The following ZNF804B variants were observed in gnomAD, a reference collection of about 807,000 sequenced individuals.
ZNF804B encodes the protein zinc finger protein 804B, also known as zinc finger 804B.
Under a neutral mutation model 101.4 loss-of-function variants are expected in ZNF804B, and 80 were observed. That is an observed-to-expected ratio of 0.79 (90% CI 0.66 to 0.95). The LOEUF is 0.95. Ranked by LOEUF, ZNF804B falls within the 40% of genes least tolerant of loss-of-function variation. The pLI is 0.00. For missense variants in ZNF804B, 1,673 were observed against 1,561.9 expected (o/e 1.07, Z -1.20); for synonymous variants, 622 against 558.8 (o/e 1.11, Z -1.59).
chr7:89,072,530 A>G (rs947756019), intron 1 of ZNF804B, among the ~76,000 whole-genome samples: 14 of 152,156 alleles, frequency 9.2e-5, no homozygotes, highest in African/African-American at 2.9e-4. Context: ...GCTTTACCTG[A>G]AAGTTGGGGC....
intron 1 of ZNF804B, among the ~76,000 whole-genome samples, chr7:88,772,148 C>T (rs1266803323): frequency 2.0e-5 from 3 of 152,062 alleles, no homozygotes; most frequent in African/African-American, 7.2e-5. Context: ...TAATGTTCTT[C>T]TTTCAGTATT....
chr7:88,832,976 A>G (rs185701239), intron 1 of ZNF804B, among the ~76,000 whole-genome samples: 15 of 152,118 alleles, frequency 9.9e-5, no homozygotes, highest in Admixed American at 8.5e-4. Flanking sequence ...ATTTGAAAAT[A>G]CATCAGTGTC....
At chr7:88,861,259 A>G (rs1047909336) in intron 1 of ZNF804B, among the ~76,000 whole-genome samples, 15 of 152,288 alleles carry the variant, frequency 9.8e-5, no homozygotes, top group African/African-American at 2.6e-4. Context: ...AGCACTAGTC[A>G]TGTATTAGGC....
intron 1 of ZNF804B, among the ~76,000 whole-genome samples, chr7:88,823,012 C>A (rs769150597): frequency 7.9e-5 from 12 of 152,056 alleles, no homozygotes; most frequent in Non-Finnish European, 1.6e-4. Flanking sequence ...AGTTCAAGAC[C>A]AGCCTGGCCA....
chr7:89,215,292 A>T (rs1436919185), intron 1 of ZNF804B, among the ~76,000 whole-genome samples: 1 of 152,236 alleles, frequency 6.6e-6, no homozygotes, highest in East Asian at 1.9e-4. Context: ...CTGTCTTAAA[A>T]TTGTAAAATT....
chr7:89,330,711 C>A (rs564527662), intron 3 of ZNF804B, among the ~76,000 whole-genome samples: 48 of 151,128 alleles, frequency 3.2e-4, no homozygotes, highest in Non-Finnish European at 5.9e-4. Context: ...ACAATAAGGA[C>A]AAAATGTTAA....
intron 1 of ZNF804B, among the ~76,000 whole-genome samples, chr7:89,110,091 A>G (rs1405793362): frequency 1.3e-5 from 2 of 152,186 alleles, no homozygotes; most frequent in African/African-American, 4.8e-5. Context: ...AATTGAGAAA[A>G]AAACGAGAGT....
At chr7:89,158,054 G>GT (rs952157039) in intron 1 of ZNF804B, among the ~76,000 whole-genome samples, 9 of 151,692 alleles carry the variant, frequency 5.9e-5, no homozygotes, top group Non-Finnish European at 8.8e-5. Flanking sequence ...CATAAGCGCT[G>GT]TTTTTTTTCA....
chr7:88,841,823 C>A (rs1372267497), intron 1 of ZNF804B, among the ~76,000 whole-genome samples: 1 of 152,110 alleles, frequency 6.6e-6, no homozygotes, highest in African/African-American at 2.4e-5. Context: ...GTATTGACTT[C>A]TGAATTTTCT....
At position 89,336,480 on chromosome 7, in the gene ZNF804B, G is replaced by A. The variant is rs1292068409; in HGVS notation, c.3498G>A (p.Gln1166=). The change falls in exon 4 of 4, where the codon CAG becomes CAA. Residue 1166 remains glutamine (Q), a synonymous_variant. Coordinates refer to ENST00000333190, the MANE Select transcript of ZNF804B (RefSeq NM_181646.5). The part of the protein sequence containing the change: ...DKYKILQLQA[Q]QHMQKQLLSK... The stretch of plus-strand genomic sequence containing the variant: ...ATAAGATCCTACAGCTACAAGCCCA[G>A]CAGCATATGCAGAAGCAACTCCTAT... 1 of 1,613,894 alleles carries A rather than the reference G, an allele frequency of 6.2e-7. No individual in the cohort carries two copies. The highest frequency in any genetic ancestry group is 8.5e-7 in the Non-Finnish European group (1 of 1,180,020).
intron 1 of ZNF804B, among the ~76,000 whole-genome samples, chr7:89,019,238 T>C (rs963821120): frequency 3.9e-5 from 6 of 152,078 alleles, no homozygotes; most frequent in African/African-American, 1.4e-4. Context: ...TCTTCCTTAA[T>C]GCATTGGATG....
At chr7:89,212,762 A>C (rs1287271178) in intron 1 of ZNF804B, among the ~76,000 whole-genome samples, 1 of 152,030 alleles carries the variant, frequency 6.6e-6, no homozygotes, top group Non-Finnish European at 1.5e-5. Flanking sequence ...TATAGGTGTA[A>C]ATTTATCTAG....
At chr7:88,845,271 ATGTGTGCGCACGCGCGCGCG>A (rs1791351474) in intron 1 of ZNF804B, among the ~76,000 whole-genome samples, 1 of 147,510 alleles carries the variant, frequency 6.8e-6, no homozygotes, top group African/African-American at 2.6e-5. Context: ...ACATATGCGC[ATGTGTGCGCACGCGCGCGCG>A]CACGCGCGCG....
intron 1 of ZNF804B, among the ~76,000 whole-genome samples, chr7:88,789,910 T>A (rs1790354219): frequency 6.6e-6 from 1 of 152,128 alleles, no homozygotes. Flanking sequence ...CCTTTTTTAT[T>A]AAATTTATGA....
intron 1 of ZNF804B, among the ~76,000 whole-genome samples, chr7:88,943,727 C>A (rs1444393761): frequency 6.6e-6 from 1 of 151,804 alleles, no homozygotes; most frequent in East Asian, 1.9e-4. Flanking sequence ...TGCCTTGTGG[C>A]TCTGTGTTTT....
chr7:88,971,684 A>AT (rs1793539984), intron 1 of ZNF804B, among the ~76,000 whole-genome samples: 1 of 151,544 alleles, frequency 6.6e-6, no homozygotes, highest in Non-Finnish European at 1.5e-5. Context: ...TAGTGGCATA[A>AT]TTTTTCTGAT....
At chr7:89,097,557 C>A (rs1789988154) in intron 1 of ZNF804B, among the ~76,000 whole-genome samples, 1 of 152,092 alleles carries the variant, frequency 6.6e-6, no homozygotes, top group South Asian at 2.1e-4. Context: ...AATAATGAAT[C>A]AGCAGTTCAA....
Position 88,855,039 on chromosome 7 carries a change from A to T in ZNF804B, c.108+94955A>T, listed in dbSNP as rs542892759. On this transcript the variant is annotated intron_variant, in intron 1 of 3. Coordinates refer to ENST00000333190, the MANE Select transcript of ZNF804B (RefSeq NM_181646.5). ...TTTGGGTTGGTTCCAAGTCTTTGCT[A>T]TTGTGAATAGTGCCACAATAAACAT... is the stretch of plus-strand genomic sequence containing the variant. Among the ~76,000 whole-genome samples the T allele has an allele frequency of 1.4e-4, 21 of 152,142 alleles. No individual in the cohort carries two copies. The East Asian group carries it at 4.1e-3, about 30-fold the overall frequency.
chr7:89,323,796 G>A (rs1214159166), intron 2 of ZNF804B, among the ~76,000 whole-genome samples: 1 of 152,014 alleles, frequency 6.6e-6, no homozygotes, highest in Non-Finnish European at 1.5e-5. Context: ...TCTGAAATAT[G>A]TATGCCATGT....
Sources: gnomAD v4.1 joint callset for allele counts (sites outside exome capture counted in the v4.1 genomes callset) on GRCh38, gnomAD v4.1.1 for gene constraint, MANE v1.5 for transcripts, NCBI Gene and HGNC (gene_info 2026-07-23, HGNC 2026-07-21) for gene names.